The following NDC80 variants were observed in gnomAD, a reference collection of about 807,000 sequenced individuals.
NDC80 encodes NDC80 kinetochore complex component.
NDC80 carries 69 observed loss-of-function variants against 89.3 expected under a neutral mutation model. That is an observed-to-expected ratio of 0.77 (90% CI 0.64 to 0.94). NDC80 has a LOEUF of 0.94. Among genes scored for constraint, NDC80 ranks in the 40% least tolerant of loss-of-function variants. NDC80 has a pLI of 0.00. For missense variants in NDC80, 593 were observed against 739.6 expected (o/e 0.80, Z 2.30); for synonymous variants, 243 against 255.6 (o/e 0.95, Z 0.47).
chr18:2,574,422 T>C (rs1392447547), intron 2 of NDC80, among the ~76,000 whole-genome samples: 1 of 152,172 alleles, frequency 6.6e-6, no homozygotes, highest in Middle Eastern at 3.2e-3. Context: ...TGGTAATTAC[T>C]CTGATCTGAT....
Position 2,587,697 on chromosome 18 carries a change from A to G in NDC80, c.670-133A>G, listed in dbSNP as rs553021497. On this transcript the variant is annotated intron_variant, in intron 7 of 16. Transcript: ENST00000261597. ...TATATAGCCTAGGTTTTTGTCTCTT[A>G]TTTATAGGTTCATCTGACTACTTAG... 47 of 623,182 alleles carry G rather than the reference A, an allele frequency of 7.5e-5. No homozygotes were observed. The African/African-American group carries it at 7.5e-4, about 10-fold the overall frequency. The allele number at this position is 623,182 out of a possible 1,614,324, so 38.6% of individuals were successfully genotyped here.
rs1568017638 is a variant in NDC80, at chr18:2,616,445, T to C, written c.1800T>C (p.Leu600=). The C allele has an allele frequency of 6.7e-7, 1 of 1,492,238 alleles. No homozygotes were observed. The allele number at this position is 1,492,238 out of a possible 1,614,324, so 92.4% of individuals were successfully genotyped here. A position where few individuals can be genotyped will look rare whatever the true frequency, so the allele number is the denominator to read the frequency against. The stretch of plus-strand genomic sequence containing the variant: ...TTAATTCTCTTCACTAGAAACATCT[T>C]GAGGAGCAGATTGCTAAAGTTGATA... ...ATHVGSVEKH[L]EEQIAKVDRE... is the part of the protein sequence containing the mutation. Residue 600 remains leucine, a synonymous_variant, in exon 17 of 17, where the codon CTT becomes CTC. Transcript: ENST00000261597.
rs954234020 is a variant in NDC80 at position 2,582,704 on chromosome 18, G to A, written c.580-2409G>A. On this transcript the variant is annotated intron_variant, in intron 6 of 16. Coordinates refer to ENST00000261597, the MANE Select transcript of NDC80 (RefSeq NM_006101.3). ...AGGTTATCCTATGCTTTTGCAGGAT[G>A]TATTGAGATTATTCTTGTTATCTTG... 5 of 152,332 alleles carry A rather than the reference G, an allele frequency of 3.3e-5. No individual in the cohort carries two copies. In the South Asian group the frequency reaches 8.3e-4, roughly 25 times the overall value. 9.4% of individuals were successfully genotyped at this position (152,332 alleles called of 1,614,324 possible).
chr18:2,572,114 G>A (rs1222001078), intron 1 of NDC80, among the ~76,000 whole-genome samples: 1 of 152,216 alleles, frequency 6.6e-6, no homozygotes, highest in African/African-American at 2.4e-5. Context: ...GGACACACAG[G>A]TGTGAGTGGA....
At chr18:2,604,649 C>G (rs1347122027) in intron 13 of NDC80, among the ~76,000 whole-genome samples, 1 of 152,104 alleles carries the variant, frequency 6.6e-6, no homozygotes, top group Non-Finnish European at 1.5e-5. Context: ...CCACTGCACT[C>G]CAGCCTAGGT....
intron 7 of NDC80, 130 bp from the exon 8 acceptor site, chr18:2,587,700 T>G (rs1295843060): frequency 1.3e-5 from 8 of 637,830 alleles, no homozygotes; most frequent in African/African-American, 3.7e-5. Context: ...GTCTCTTATT[T>G]ATAGGTTCAT....
At chr18:2,572,051 A>G (rs913109160) in intron 1 of NDC80, among the ~76,000 whole-genome samples, 1 of 152,156 alleles carries the variant, frequency 6.6e-6, no homozygotes, top group Non-Finnish European at 1.5e-5. Flanking sequence ...GACTGCGTGT[A>G]GAAGTCTTCA....
In NDC80 at chr18:2,583,636, G is replaced by A. The variant is rs113360671; in HGVS notation, c.580-1477G>A. On this transcript the variant is annotated intron_variant, in intron 6 of 16. Coordinates refer to ENST00000261597, the MANE Select transcript of NDC80 (RefSeq NM_006101.3). Reference sequence around the variant, plus strand: ...CGCTTGAACCCAGGAAGCGGAGGTTGCAGTGAGCCGAGATCTCAGCCACTG... The same window carrying A: ...CGCTTGAACCCAGGAAGCGGAGGTTACAGTGAGCCGAGATCTCAGCCACTG... 5.8e-3 allele frequency among the ~76,000 whole-genome samples: 880 copies of A among 151,360 alleles called. 7 individuals carry two copies. Among genetic ancestry groups the A allele is most frequent in the African/African-American group, 0.02 (840 of 41,148 alleles).
intron 15 of NDC80, 99 bp downstream of exon 15, chr18:2,608,929 A>G (rs1050733538): frequency 3.9e-6 from 5 of 1,292,738 alleles, no homozygotes; most frequent in Non-Finnish European, 4.2e-6. Flanking sequence ...AATTTATAGT[A>G]TACAGCTATT....
intron 7 of NDC80, 71 bp downstream of exon 7, chr18:2,585,273 C>T: frequency 8.5e-7 from 1 of 1,170,496 alleles, no homozygotes; most frequent in Non-Finnish European, 1.3e-6. Context: ...GGATTTAATA[C>T]AGATGCCCCT....
chr18:2,585,922 T>G (rs954395078), intron 7 of NDC80, among the ~76,000 whole-genome samples: 14 of 152,134 alleles, frequency 9.2e-5, no homozygotes, highest in African/African-American at 3.4e-4. Context: ...GGTTAAGTCT[T>G]AAGATATTGC....
At chr18:2,605,274 A>ATG (rs60324126) in intron 13 of NDC80, among the ~76,000 whole-genome samples, 5,277 of 127,010 alleles carry the variant, frequency 0.042, 88 homozygotes, top group African/African-American at 0.048. Flanking sequence ...GGCTATATGT[A>ATG]TGTGTGTGTG....
chr18:2,597,852 T>G (rs552089768), intron 11 of NDC80, among the ~76,000 whole-genome samples: 40 of 152,220 alleles, frequency 2.6e-4, no homozygotes, highest in African/African-American at 9.2e-4. Flanking sequence ...CTGTCTGGCT[T>G]GGGTAATTGG....
chr18:2,585,334 A>G, intron 7 of NDC80, 132 bp downstream of exon 7: 1 of 678,998 alleles, frequency 1.5e-6, no homozygotes, highest in Non-Finnish European at 2.4e-6. Flanking sequence ...TATCATGTCA[A>G]AAATGCATTT....
chr18:2,583,108 C>T (rs1396782539), intron 6 of NDC80, among the ~76,000 whole-genome samples: 3 of 152,166 alleles, frequency 2.0e-5, no homozygotes, highest in Non-Finnish European at 4.4e-5. Context: ...GAGTGGAAAA[C>T]GCCACCTTTC....
chr18:2,583,404 T>A (rs1008287320), intron 6 of NDC80, among the ~76,000 whole-genome samples: 1 of 152,172 alleles, frequency 6.6e-6, no homozygotes, highest in Non-Finnish European at 1.5e-5. Context: ...TCAGACATTA[T>A]TAAATCTGTG....
In NDC80 at chr18:2,610,797, G is replaced by A. The variant is rs774289304; in HGVS notation, c.1727G>A (p.Arg576Gln). ...LVVQTTTEER[R>Q]KVGNNLQRLL... ...GTGCAAACCACGACTGAAGAAAGAC[G>A]AAAAGTGGGAAATAACTTGCAACGT... Residue 576 changes from arginine (R) to glutamine (Q), a missense_variant, in exon 16 of 17, where the codon CGA becomes CAA. Arg to Gln is a conservative substitution (Grantham distance 43, BLOSUM62 1). Transcript: ENST00000261597. 21 of 1,590,712 alleles carry A rather than the reference G, an allele frequency of 1.3e-5. No individual in the cohort carries two copies. The highest frequency in any genetic ancestry group is 5.7e-5 in the South Asian group (5 of 88,336).
chr18:2,614,209 C>G (rs2072759390), intron 16 of NDC80, among the ~76,000 whole-genome samples: 1 of 152,124 alleles, frequency 6.6e-6, no homozygotes. Flanking sequence ...GAGGCCAAGG[C>G]TGGCGGATCA....
At chr18:2,613,647 A>T (rs1204849378) in intron 16 of NDC80, among the ~76,000 whole-genome samples, 1 of 152,254 alleles carries the variant, frequency 6.6e-6, no homozygotes, top group African/African-American at 2.4e-5. Context: ...TACGAGAATT[A>T]TAAGAAACTA....
Sources: gnomAD v4.1 joint callset for allele counts (sites outside exome capture counted in the v4.1 genomes callset) on GRCh38, gnomAD v4.1.1 for gene constraint, MANE v1.5 for transcripts, NCBI Gene and HGNC (gene_info 2026-07-23, HGNC 2026-07-21) for gene names.